The following MTUS1 variants were observed in gnomAD, a reference collection of about 807,000 sequenced individuals.
The protein encoded by MTUS1 is microtubule associated scaffold protein 1.
In MTUS1, 109 loss-of-function variants were observed where a neutral mutation model predicts 120.8. That is an observed-to-expected ratio of 0.90 (90% confidence interval 0.77 to 1.06). The LOEUF (loss-of-function observed/expected upper bound fraction) is 1.06, where lower values mean the gene tolerates loss of function less well. Among genes scored for constraint, MTUS1 ranks in the 50% least tolerant of loss-of-function variants. MTUS1 has a pLI of 0.00. For missense variants in MTUS1, 2,210 were observed against 1,486.3 expected (o/e 1.49, Z -8.01); for synonymous variants, 737 against 550.5 (o/e 1.34, Z -4.74).
At chr8:17,774,328 A>T (rs2050243813) in intron 1 of MTUS1, among the ~76,000 whole-genome samples, 2 of 152,228 alleles carry the variant, frequency 1.3e-5, no homozygotes, top group South Asian at 4.1e-4. Context: ...CATGTGTCTA[A>T]AAGAAACAAA....
In MTUS1 at chr8:17,697,259, G is replaced by C. The variant is rs778321523; in HGVS notation, c.2624-12717C>G. 20 of 1,613,608 alleles carry C rather than the reference G, an allele frequency of 1.2e-5. 1 individual carries two copies. The highest frequency in any genetic ancestry group is 9.9e-5 in the South Asian group (9 of 90,944). On this transcript the variant is annotated intron_variant, in intron 6 of 14. Transcript: ENST00000693296. ...ACAGAGATCTATGCGAGACAGACCTGTGTGGAAAACAACAGTGCTTCTCCT... is the reference window on the plus strand; with the variant it reads ...ACAGAGATCTATGCGAGACAGACCTCTGTGGAAAACAACAGTGCTTCTCCT...
Position 17,754,155 on chromosome 8 carries a change from T to G in MTUS1, c.1653A>C (p.Thr551=). Residue 551 remains threonine (T), a synonymous_variant, in exon 2 of 15, where the codon ACA becomes ACC. Coordinates refer to ENST00000693296, the MANE Select transcript of MTUS1 (RefSeq NM_001363059.2). ...SPSSVNSRQQ[T]VLSRTPRSDL... Reference sequence around the variant, plus strand: ...CAGATCTCGGTGTTCTGCTCAAGACTGTTTGTTGTCTTGAATTCACTGATG... The same window carrying G: ...CAGATCTCGGTGTTCTGCTCAAGACGGTTTGTTGTCTTGAATTCACTGATG... The G allele has an allele frequency of 5.6e-6, 9 of 1,613,820 alleles. No homozygotes were observed. Among genetic ancestry groups the G allele is most frequent in the African/African-American group, 2.7e-5 (2 of 75,026 alleles).
intron 3 of MTUS1, among the ~76,000 whole-genome samples, chr8:17,739,041 G>A (rs1287085930): frequency 6.6e-6 from 1 of 151,986 alleles, no homozygotes; most frequent in African/African-American, 2.4e-5. Context: ...TACATGGGAC[G>A]CTGAGACAGG....
upstream of MTUS1, chr8:17,801,315 T>G (rs1172231988): frequency 6.6e-6 from 1 of 151,480 alleles, no homozygotes; most frequent in Non-Finnish European, 1.5e-5. Flanking sequence ...GGGAAACTTG[T>G]AAATAGCCGA....
At chr8:17,798,451 G>C (rs979023558) in intron 1 of MTUS1, among the ~76,000 whole-genome samples, 1 of 151,998 alleles carries the variant, frequency 6.6e-6, no homozygotes, top group Admixed American at 6.6e-5. Context: ...TCCTGCCTCA[G>C]CGTCCCAAGT....
At chr8:17,769,408 C>T (rs1457063425) in intron 1 of MTUS1, among the ~76,000 whole-genome samples, 4 of 146,870 alleles carry the variant, frequency 2.7e-5, no homozygotes, top group South Asian at 2.2e-4. Flanking sequence ...AGTGCAGTGG[C>T]GCGATCTCGG....
chr8:17,654,261 C>T, intron 10 of MTUS1: 1 of 414,846 alleles, frequency 2.4e-6, no homozygotes, highest in African/African-American at 2.0e-5. Flanking sequence ...AAGATAGAAA[C>T]TTGTACTTGC....
At chr8:17,690,904 CTGT>C (rs900569828) in intron 6 of MTUS1, among the ~76,000 whole-genome samples, 1 of 152,088 alleles carries the variant, frequency 6.6e-6, no homozygotes, top group Non-Finnish European at 1.5e-5. Flanking sequence ...AAAATCACAC[CTGT>C]TGTGTTTCTA....
chr8:17,645,861 T>A lies in MTUS1; in HGVS notation c.*65A>T. 6.5e-7 allele frequency: 1 copy of A among 1,545,240 alleles called. No homozygotes were observed. The highest frequency in any genetic ancestry group is 8.7e-7 in the Non-Finnish European group (1 of 1,144,688). On this transcript the variant is annotated 3_prime_UTR_variant, in exon 15 of 15. Coordinates refer to ENST00000693296, the MANE Select transcript of MTUS1 (RefSeq NM_001363059.2). ...ATACCTCTTGTGCCCACGTTCCTCC[T>A]TGGGGTCAGTCCTGCAGACCTGCAT...
chr8:17,795,620 G>T (rs2052161255), intron 1 of MTUS1, among the ~76,000 whole-genome samples: 1 of 151,962 alleles, frequency 6.6e-6, no homozygotes, highest in African/African-American at 2.4e-5. Flanking sequence ...TATTTATGTA[G>T]CTAATGTGTA....
At chr8:17,717,176 C>T (rs150370377) in intron 4 of MTUS1, among the ~76,000 whole-genome samples, 134 of 152,246 alleles carry the variant, frequency 8.8e-4, no homozygotes, top group South Asian at 4.1e-3. Flanking sequence ...TGTTCTCGTG[C>T]CCAAATAACA....
rs758701017 is a variant in MTUS1 at position 17,755,062 on chromosome 8, A to G, written c.746T>C (p.Val249Ala). The G allele has an allele frequency of 2.5e-6, 4 of 1,613,696 alleles. No individual in the cohort carries two copies. The African/African-American group carries it at 4.0e-5, about 16-fold the overall frequency. The change falls in exon 2 of 15, where the codon GTG becomes GCG. Residue 249 changes from valine (V) to alanine (A), a missense_variant. Coordinates refer to ENST00000693296, the MANE Select transcript of MTUS1 (RefSeq NM_001363059.2). Reference protein sequence around the residue: ...QDMTYTAFSDVVMQSEVFVSD... With the variant: ...QDMTYTAFSDAVMQSEVFVSD... ...AACAAAAACCTCACTTTGCATCACC[A>G]CATCAGAAAATGCTGTGTAAGTCAT...
chr8:17,683,828 G>T (rs1406166195), intron 7 of MTUS1, among the ~76,000 whole-genome samples: 1 of 151,748 alleles, frequency 6.6e-6, no homozygotes, highest in Non-Finnish European at 1.5e-5. Context: ...CGGCAAATCT[G>T]CTTTGCTTTT....
intron 3 of MTUS1, among the ~76,000 whole-genome samples, chr8:17,730,997 T>TTTA (rs61335341): frequency 3.8e-4 from 57 of 151,918 alleles, no homozygotes; most frequent in African/African-American, 1.3e-3. Context: ...TGCCACAATT[T>TTTA]AAGTTAAAAA....
chr8:17,681,563 A>T (rs1814510222), intron 7 of MTUS1: 1 of 154,868 alleles, frequency 6.5e-6, no homozygotes, highest in Non-Finnish European at 1.5e-5. Flanking sequence ...AAGTAAGAAT[A>T]TCTGGCACTT....
In MTUS1 at chr8:17,684,436, T is replaced by C; in HGVS notation, c.2730A>G (p.Thr910=). The C allele has an allele frequency of 6.2e-7, 1 of 1,614,224 alleles. No individual in the cohort carries two copies. The highest frequency in any genetic ancestry group is 1.3e-5 in the African/African-American group (1 of 75,066). Residue 910 remains threonine, a synonymous_variant, in exon 7 of 15, where the codon ACA becomes ACG. Transcript: ENST00000693296. ...TAAATCCACTTTGGTTTTCACATTT[T>C]GTTTTATATTGCGTCAATTCAAGTG... The part of the protein sequence containing the change: ...EKTLELTQYK[T]KCENQSGFIL...
chr8:17,653,340 A>G lies in MTUS1; in HGVS notation c.3289-59T>C, dbSNP rs181763805. ...CAAGAAAACCCCAGAAACTCAGCAT[A>G]CGTACACAGAAACATTAAAACCAAA... On this transcript the variant is annotated intron_variant, in intron 11 of 14. Transcript: ENST00000693296. 7.4e-6 allele frequency: 11 copies of G among 1,496,386 alleles called. No homozygotes were observed. The East Asian group carries it at 2.5e-4, about 34-fold the overall frequency. 92.7% of individuals were successfully genotyped at this position (1,496,386 alleles called of 1,614,324 possible). A position where few individuals can be genotyped will look rare whatever the true frequency, so the allele number is the denominator to read the frequency against.
intron 6 of MTUS1, among the ~76,000 whole-genome samples, chr8:17,710,562 C>G (rs991010382): frequency 2.6e-5 from 4 of 152,252 alleles, no homozygotes; most frequent in African/African-American, 7.2e-5. Context: ...ACTTCCTCCA[C>G]TGAAGCACTG....
At chr8:17,650,896 C>T (rs7007393) in intron 12 of MTUS1, among the ~76,000 whole-genome samples, 7,225 of 152,246 alleles carry the variant, frequency 0.047, 591 homozygotes, top group African/African-American at 0.17. Flanking sequence ...TTTAATGAAG[C>T]AACGTCTTAG....
Sources: gnomAD v4.1 joint callset for allele counts (sites outside exome capture counted in the v4.1 genomes callset) on GRCh38, gnomAD v4.1.1 for gene constraint, MANE v1.5 for transcripts, NCBI Gene and HGNC (gene_info 2026-07-23, HGNC 2026-07-21) for gene names.